The following FAT3 variants were observed in gnomAD, a reference collection of about 807,000 sequenced individuals.
FAT3 encodes protocadherin Fat 3.
In FAT3, 95 loss-of-function variants were observed where a neutral mutation model predicts 310.2. That is an observed-to-expected ratio of 0.31 (90% confidence interval 0.26 to 0.36). The LOEUF (loss-of-function observed/expected upper bound fraction) is 0.36, where lower values mean the gene tolerates loss of function less well. Ranked by LOEUF, FAT3 falls within the 10% of genes least tolerant of loss-of-function variation. FAT3 has a pLI of 1.00. For missense variants in FAT3, 5,408 were observed against 5,715.6 expected, an observed-to-expected ratio of 0.95 and a Z score of 1.74; for synonymous variants, 2,314 against 2,192.9, an observed-to-expected ratio of 1.06 and a Z score of -1.54.
intron 4 of FAT3, among the ~76,000 whole-genome samples, chr11:92,758,711 G>C (rs1946066500): frequency 1.3e-5 from 2 of 152,182 alleles, no homozygotes; most frequent in South Asian, 4.1e-4. Context: ...AGGCCAGGAG[G>C]CTACTGTGGC....
intron 9 of FAT3, among the ~76,000 whole-genome samples, chr11:92,795,727 G>A (rs1340314921): frequency 1.3e-5 from 2 of 152,094 alleles, no homozygotes. Context: ...CCTGACCAAC[G>A]TGGCAAAACC....
At chr11:92,865,360 T>C (rs1452834079) in intron 21 of FAT3, among the ~76,000 whole-genome samples, 1 of 152,246 alleles carries the variant, frequency 6.6e-6, no homozygotes, top group Non-Finnish European at 1.5e-5. Flanking sequence ...TCTATTTCTG[T>C]GAATTCATTT....
In FAT3 at chr11:92,798,248, T is replaced by C. The variant is rs754613020; in HGVS notation, c.5235T>C (p.Asn1745=). 17 of 1,613,796 alleles carry C rather than the reference T, an allele frequency of 1.1e-5. No individual in the cohort carries two copies. In the East Asian group the frequency reaches 3.3e-4, roughly 32 times the overall value. ...SSYQLIIQAT[N]MAGMASNATV... is the part of the protein sequence containing the mutation. ...ATCAACTCATCATTCAGGCCACCAA[T>C]ATGGCAGGAATGGCTTCCAATGCTA... Residue 1745 remains asparagine, a synonymous_variant, in exon 10 of 28, where the codon AAT becomes AAC. Transcript: ENST00000525166.
At chr11:92,332,576 G>C (rs1947948716) in intron 1 of FAT3, among the ~76,000 whole-genome samples, 2 of 152,076 alleles carry the variant, frequency 1.3e-5, no homozygotes, top group African/African-American at 4.8e-5. Flanking sequence ...GAGGGTTGAG[G>C]AAGGGGCTTT....
intron 3 of FAT3, among the ~76,000 whole-genome samples, chr11:92,566,363 A>C: frequency 6.6e-6 from 1 of 152,134 alleles, no homozygotes; most frequent in East Asian, 1.9e-4. Context: ...AGAACTACAA[A>C]CCACTGCTCA....
rs537105317 is a variant in FAT3 at position 92,770,467 on chromosome 11, T to C, written c.4196-3574T>C. On this transcript the variant is annotated intron_variant, in intron 6 of 27. Transcript: ENST00000525166. The stretch of plus-strand genomic sequence containing the variant: ...AAAATGATAATTGGTGTTTAGCATT[T>C]TCAAGATCAAATTGTAACTGGTGTT... Among the ~76,000 whole-genome samples the C allele has an allele frequency of 4.7e-4, 71 of 152,312 alleles. No homozygotes were observed. The South Asian group carries it at 0.013, about 28-fold the overall frequency.
Position 92,368,833 on chromosome 11 carries a change from C to T in FAT3, c.3292+13429C>T, listed in dbSNP as rs9665998. Among the ~76,000 whole-genome samples the T allele has an allele frequency of 7.0e-3, 992 of 140,776 alleles. 18 individuals are homozygous for T. Among genetic ancestry groups the T allele is most frequent in the African/African-American group, 0.028 (955 of 34,592 alleles). The allele number at this position is 140,776 out of a possible 152,430, so 92.4% of individuals were successfully genotyped here. ...TAACAACAGTATGTTTGTGTGTATA[C>T]ATATATATATATATACACACATACA... is the stretch of plus-strand genomic sequence containing the variant. On this transcript the variant is annotated intron_variant, in intron 2 of 27. Transcript: ENST00000525166.
intron 1 of FAT3, among the ~76,000 whole-genome samples, chr11:92,274,125 C>T (rs1199729450): frequency 3.3e-5 from 5 of 152,000 alleles, no homozygotes; most frequent in Non-Finnish European, 7.4e-5. Flanking sequence ...AGTTTGTATC[C>T]TCAATATCCT....
chr11:92,430,755 G>A (rs1591279947), intron 2 of FAT3, among the ~76,000 whole-genome samples: 1 of 85,116 alleles, frequency 1.2e-5, no homozygotes, highest in Admixed American at 1.5e-4. Context: ...GTGAGAACAT[G>A]CGATGTTTGG....
chr11:92,792,242 T>C (rs1947057784), intron 8 of FAT3, among the ~76,000 whole-genome samples: 1 of 152,212 alleles, frequency 6.6e-6, no homozygotes, highest in Non-Finnish European at 1.5e-5. Context: ...GACTCTAAGC[T>C]TCTTGAGGGC....
In FAT3 at chr11:92,553,944, T is replaced by C. The variant is rs1405922080; in HGVS notation, c.3607+28996T>C. ...CCTCAGCCTCCCAAGTAGCTGGAAT[T>C]ACAGGAGCCCACTTTTATGCCTGGA... On this transcript the variant is annotated intron_variant, in intron 3 of 27. Transcript: ENST00000525166. Among the ~76,000 whole-genome samples, 8 of 151,880 alleles carry C rather than the reference T, an allele frequency of 5.3e-5. No individual in the cohort carries two copies. The East Asian group carries it at 1.6e-3, about 30-fold the overall frequency.
intron 2 of FAT3, among the ~76,000 whole-genome samples, chr11:92,369,465 A>G (rs1949124001): frequency 6.6e-6 from 1 of 152,210 alleles, no homozygotes; most frequent in African/African-American, 2.4e-5. Flanking sequence ...TGCAAAGGAC[A>G]TAGACCAAGT....
rs568248574 is a variant in FAT3 at position 92,688,063 on chromosome 11, G to A, written c.3608-9321G>A. 2.6e-5 allele frequency among the ~76,000 whole-genome samples: 4 copies of A among 152,088 alleles called. No homozygotes were observed. The South Asian group carries it at 8.3e-4, about 32-fold the overall frequency. ...AAAAAAAATTTTTTTAACTAGCTGG[G>A]GATGATGGTGCACCGGTAGTCTCAG... is the stretch of plus-strand genomic sequence containing the variant. On this transcript the variant is annotated intron_variant, in intron 3 of 27. Coordinates refer to ENST00000525166, the MANE Select transcript of FAT3 (RefSeq NM_001367949.2).
At chr11:92,307,327 A>G (rs1252886241) in intron 1 of FAT3, among the ~76,000 whole-genome samples, 24 of 152,180 alleles carry the variant, frequency 1.6e-4, no homozygotes, top group African/African-American at 2.4e-5. Context: ...GAATATTTCA[A>G]AAGTTTTCCT....
At position 92,789,858 on chromosome 11, in the gene FAT3, C is replaced by T. The variant is rs572416214; in HGVS notation, c.4336-85C>T. 1.5e-4 allele frequency: 211 copies of T among 1,404,710 alleles called. 1 individual carries two copies. The African/African-American group carries it at 2.4e-3, about 16-fold the overall frequency. The allele number at this position is 1,404,710 out of a possible 1,614,324, so 87.0% of individuals were successfully genotyped here. On this transcript the variant is annotated intron_variant, in intron 7 of 27. Coordinates refer to ENST00000525166, the MANE Select transcript of FAT3 (RefSeq NM_001367949.2). ...AAGCTAGGATCCAAGGACGGGGAAG[C>T]GGGGAGAAAAAGAGGGAGGGCATAC...
chr11:92,230,251 TA>T (rs1864111373), intron 1 of FAT3, among the ~76,000 whole-genome samples: 1 of 152,230 alleles, frequency 6.6e-6, no homozygotes, highest in African/African-American at 2.4e-5. Flanking sequence ...TTTTTGTCTT[TA>T]AAAAATGTCT....
At chr11:92,327,451 T>C (rs768758702) in intron 1 of FAT3, among the ~76,000 whole-genome samples, 2 of 152,208 alleles carry the variant, frequency 1.3e-5, no homozygotes, top group Non-Finnish European at 2.9e-5. Context: ...CCAAGAGATA[T>C]AGTATATGGC....
At position 92,568,456 on chromosome 11, in the gene FAT3, A is replaced by G. The variant is rs557386542; in HGVS notation, c.3607+43508A>G. Among the ~76,000 whole-genome samples, 123 of 152,292 alleles carry G rather than the reference A, an allele frequency of 8.1e-4. 1 individual carries two copies. The highest frequency in any genetic ancestry group is 2.8e-3 in the African/African-American group (118 of 41,562). ...CTTATAGTGAGGAAAAATCATTTAT[A>G]TATGACATTGCCTCACGGGGATTGA... is the stretch of plus-strand genomic sequence containing the variant. On this transcript the variant is annotated intron_variant, in intron 3 of 27. Transcript: ENST00000525166.
intron 4 of FAT3, among the ~76,000 whole-genome samples, chr11:92,740,282 G>A (rs1169208066): frequency 6.6e-6 from 1 of 152,162 alleles, no homozygotes; most frequent in East Asian, 1.9e-4. Context: ...AGAATTTACA[G>A]ATACACAACT....
Sources: allele counts gnomAD v4.1 joint callset (sites outside exome capture counted in the v4.1 genomes callset), GRCh38; gene constraint gnomAD v4.1.1; transcripts MANE v1.5; gene names NCBI Gene and HGNC (gene_info 2026-07-23, HGNC 2026-07-21).